MSL2: variants seen among roughly 807,000 people sequenced by gnomAD.
MSL2 encodes the protein E3 ubiquitin-protein ligase MSL2.
MSL2 carries 2 observed loss-of-function variants against 35.8 expected under a neutral mutation model. The observed-to-expected ratio is 0.06, with a 90% CI of 0.02 to 0.18. The LOEUF (loss-of-function observed/expected upper bound fraction) is 0.18, where lower values mean the gene tolerates loss of function less well. Ranked by LOEUF, MSL2 falls within the 10% of genes least tolerant of loss-of-function variation. The pLI is 1.00. For missense variants in MSL2, 523 were observed against 706.7 expected (o/e 0.74, Z 2.95); for synonymous variants, 296 against 255.7 (o/e 1.16, Z -1.50).
At chr3:136,175,921 A>C (rs1431070189) in intron 1 of MSL2, among the ~76,000 whole-genome samples, 3 of 152,120 alleles carry the variant, frequency 2.0e-5, no homozygotes, top group Non-Finnish European at 4.4e-5. Context: ...GCCATCACTT[A>C]GCAAGGCATT....
chr3:136,169,923 G>A (rs1939972811), intron 1 of MSL2, among the ~76,000 whole-genome samples: 3 of 151,758 alleles, frequency 2.0e-5, no homozygotes. Flanking sequence ...AGGTGTGGTG[G>A]CAGATGCCTG....
intron 1 of MSL2, chr3:136,153,157 C>T (rs539055622): frequency 3.3e-5 from 22 of 662,304 alleles, no homozygotes; most frequent in Non-Finnish European, 3.7e-5. Flanking sequence ...ATGGCTTGAG[C>T]CCTAGAGTTC....
chr3:136,178,362 A>C (rs1312836996), intron 1 of MSL2, among the ~76,000 whole-genome samples: 1 of 152,202 alleles, frequency 6.6e-6, no homozygotes. Context: ...AACATTAATC[A>C]ATAAACCAAC....
intron 1 of MSL2, among the ~76,000 whole-genome samples, chr3:136,176,658 C>CT (rs1940190552): frequency 6.6e-6 from 1 of 150,764 alleles, no homozygotes; most frequent in Non-Finnish European, 1.5e-5. Flanking sequence ...GACCCTGTTA[C>CT]TACAAAAAAA....
At chr3:136,176,510 T>G (rs978198768) in intron 1 of MSL2, among the ~76,000 whole-genome samples, 1 of 106,834 alleles carries the variant, frequency 9.4e-6, no homozygotes, top group African/African-American at 4.0e-5. Flanking sequence ...AATGAGACCC[T>G]CTCTCAAAAA....
intron 1 of MSL2, among the ~76,000 whole-genome samples, chr3:136,169,721 G>A (rs1217132711): frequency 6.6e-6 from 1 of 151,874 alleles, no homozygotes; most frequent in Non-Finnish European, 1.5e-5. Flanking sequence ...CCAAAGTGCT[G>A]GGATTACAGG....
Position 136,152,223 on chromosome 3 carries a change from C to G in MSL2, c.658G>C (p.Val220Leu). 1.2e-6 allele frequency: 2 copies of G among 1,614,064 alleles called. No individual in the cohort carries two copies. The highest frequency in any genetic ancestry group is 2.2e-5 in the South Asian group (2 of 91,084). The change falls in exon 2 of 2, where the codon GTA becomes CTA. Residue 220 changes from valine (V) to leucine (L), a missense_variant. Transcript: ENST00000309993. ...PSPEHSNTID[V>L]CNTVDIKTED... ...GTTTTTATGTCAACAGTATTACATA[C>G]GTCAATCGTATTTGAATGTTCAGGT...
At chr3:136,156,023 C>T (rs888727102) in intron 1 of MSL2, 2 of 319,084 alleles carry the variant, frequency 6.3e-6, no homozygotes, top group Non-Finnish European at 1.3e-5. Context: ...ATAGTACCAA[C>T]TACTTCTTAC....
At chr3:136,174,858 T>C (rs1378427459) in intron 1 of MSL2, among the ~76,000 whole-genome samples, 3 of 152,218 alleles carry the variant, frequency 2.0e-5, no homozygotes, top group African/African-American at 7.2e-5. Context: ...TAAATGTGTA[T>C]GCATAATGTA....
chr3:136,171,677 T>C (rs913466628), intron 1 of MSL2, among the ~76,000 whole-genome samples: 7 of 152,204 alleles, frequency 4.6e-5, no homozygotes, highest in Admixed American at 4.6e-4. Flanking sequence ...AATAGTGTGC[T>C]CCTAAGTGAT....
At chr3:136,187,775 T>G (rs1157356765) in intron 1 of MSL2, among the ~76,000 whole-genome samples, 1 of 152,144 alleles carries the variant, frequency 6.6e-6, no homozygotes, top group Non-Finnish European at 1.5e-5. Context: ...CTTATAACAC[T>G]GATTTGCAAA....
At chr3:136,168,527 C>T (rs1939916173) in intron 1 of MSL2, among the ~76,000 whole-genome samples, 1 of 152,062 alleles carries the variant, frequency 6.6e-6, no homozygotes, top group South Asian at 2.1e-4. Context: ...AACCAAACAC[C>T]GCATGTTCTC....
At position 136,192,854 on chromosome 3, in the gene MSL2, A is replaced by AG. The variant is rs1289714055; in HGVS notation, c.142+2117dup. ...GCTTTTCAGCTAAGGAAAAAAGTCTAGTACATACCTGGTACAAAAATATGT... is the reference window on the plus strand; with the variant it reads ...GCTTTTCAGCTAAGGAAAAAAGTCTAGGTACATACCTGGTACAAAAATATGT... On this transcript the variant is annotated intron_variant, in intron 1 of 1. Coordinates refer to ENST00000309993, the MANE Select transcript of MSL2 (RefSeq NM_018133.4). 6.6e-5 allele frequency among the ~76,000 whole-genome samples: 10 copies of AG among 152,362 alleles called. No homozygotes were observed. The East Asian group carries it at 1.9e-3, about 29-fold the overall frequency.
At chr3:136,171,416 T>C (rs1408041560) in intron 1 of MSL2, among the ~76,000 whole-genome samples, 3 of 152,164 alleles carry the variant, frequency 2.0e-5, no homozygotes, top group African/African-American at 7.2e-5. Flanking sequence ...CCAGGTACTT[T>C]AATGAACCAG....
chr3:136,153,166 T>C, intron 1 of MSL2: 1 of 580,416 alleles, frequency 1.7e-6, no homozygotes. Context: ...GCCCTAGAGT[T>C]CAGGCTACGG....
In MSL2 at chr3:136,150,669, T is replaced by C. The variant is rs935816591; in HGVS notation, c.*478A>G. ...AAATGGTATGATGTCAGCACAAAGG[T>C]TGAGCTGGACACATCAGCTTTCCAA... is the stretch of plus-strand genomic sequence containing the variant. On this transcript the variant is annotated 3_prime_UTR_variant, in exon 2 of 2. Transcript: ENST00000309993. 3 of 160,704 alleles carry C rather than the reference T, an allele frequency of 1.9e-5. No homozygotes were observed. Among genetic ancestry groups the C allele is most frequent in the Admixed American group, 5.8e-5 (1 of 17,282 alleles). 10.0% of individuals were successfully genotyped at this position (160,704 alleles called of 1,614,324 possible).
At chr3:136,177,181 T>G (rs1004113917) in intron 1 of MSL2, among the ~76,000 whole-genome samples, 2 of 152,316 alleles carry the variant, frequency 1.3e-5, no homozygotes, top group South Asian at 4.1e-4. Context: ...TTGAAGAAAT[T>G]AGCAGTTCTC....
At chr3:136,175,862 C>A (rs1012669933) in intron 1 of MSL2, among the ~76,000 whole-genome samples, 6 of 152,102 alleles carry the variant, frequency 3.9e-5, no homozygotes, top group Non-Finnish European at 8.8e-5. Context: ...ATTCCTGGGA[C>A]CCAGCTATAT....
rs908134989 is a variant in MSL2 at position 136,149,896 on chromosome 3, T to C, written c.*1251A>G. ...ACTGTCAAAGCTGCAGCTCTTCTTT[T>C]AAATCACAGGTTATTTCATTACACC... On this transcript the variant is annotated 3_prime_UTR_variant, in exon 2 of 2. Transcript: ENST00000309993. The C allele has an allele frequency of 6.6e-6, 1 of 152,606 alleles. No homozygotes were observed. Among genetic ancestry groups the C allele is most frequent in the Admixed American group, 6.5e-5 (1 of 15,276 alleles). 9.5% of individuals were successfully genotyped at this position (152,606 alleles called of 1,614,324 possible).
Sources: gnomAD v4.1 joint callset for allele counts (sites outside exome capture counted in the v4.1 genomes callset) on GRCh38, gnomAD v4.1.1 for gene constraint, MANE v1.5 for transcripts, NCBI Gene and HGNC (gene_info 2026-07-23, HGNC 2026-07-21) for gene names.